ACVR2A: variants seen among roughly 807,000 people sequenced by gnomAD.
ACVR2A encodes activin A receptor type 2A.
In ACVR2A, 7 loss-of-function variants were observed where a neutral mutation model predicts 61.4. That is an observed-to-expected ratio of 0.11 (90% CI 0.06 to 0.21). The LOEUF is 0.21. ACVR2A is among the 10% of genes least tolerant of loss of function. The pLI, the probability that ACVR2A is intolerant of heterozygous loss-of-function variation, is 1.00. For missense variants in ACVR2A, 322 were observed against 621.7 expected (o/e 0.52, Z 5.13); for synonymous variants, 193 against 208.3 (o/e 0.93, Z 0.63).
intron 2 of ACVR2A, among the ~76,000 whole-genome samples, chr2:147,899,171 A>T (rs2105193639): frequency 6.6e-6 from 1 of 152,260 alleles, no homozygotes; most frequent in Non-Finnish European, 1.5e-5. Context: ...TAAAAAAATA[A>T]AAAAAGATGC....
At chr2:147,866,781 T>G (rs1302106580) in intron 1 of ACVR2A, among the ~76,000 whole-genome samples, 1 of 152,202 alleles carries the variant, frequency 6.6e-6, no homozygotes, top group Non-Finnish European at 1.5e-5. Context: ...TCAAGTTGAG[T>G]TCAAAGTACT....
At chr2:147,917,482 T>C in intron 6 of ACVR2A, 56 bp downstream of exon 6, 1 of 1,575,590 alleles carries the variant, frequency 6.3e-7, no homozygotes, top group Non-Finnish European at 8.7e-7. Flanking sequence ...GCCTACCTAA[T>C]GCTGGCTATA....
chr2:147,867,981 CTTCT>C (rs902630900), intron 1 of ACVR2A, among the ~76,000 whole-genome samples: 2 of 152,172 alleles, frequency 1.3e-5, no homozygotes, highest in African/African-American at 4.8e-5. Context: ...TTGTTAGGTG[CTTCT>C]TTCTGTGTTC....
intron 1 of ACVR2A, among the ~76,000 whole-genome samples, chr2:147,872,954 A>G (rs1354404474): frequency 2.0e-5 from 3 of 151,930 alleles, no homozygotes; most frequent in Non-Finnish European, 2.9e-5. Flanking sequence ...TTATGTGTTC[A>G]TTTGTTTGAC....
At chr2:147,893,730 T>A (rs1686648976) in intron 1 of ACVR2A, among the ~76,000 whole-genome samples, 1 of 152,192 alleles carries the variant, frequency 6.6e-6, no homozygotes, top group Non-Finnish European at 1.5e-5. Flanking sequence ...GGACAGTGTT[T>A]TTTCCTATGA....
intron 1 of ACVR2A, among the ~76,000 whole-genome samples, chr2:147,888,131 G>T (rs114540766): frequency 4.1e-4 from 63 of 152,260 alleles, no homozygotes; most frequent in African/African-American, 1.4e-3. Context: ...AGACGTGTTT[G>T]TATGTAGATC....
At chr2:147,904,914 A>G (rs2105200471) in intron 4 of ACVR2A, among the ~76,000 whole-genome samples, 1 of 152,180 alleles carries the variant, frequency 6.6e-6, no homozygotes, top group East Asian at 1.9e-4. Flanking sequence ...TATACTTACA[A>G]AATATTACAT....
intron 9 of ACVR2A, among the ~76,000 whole-genome samples, chr2:147,923,406 A>T (rs1010685945): frequency 6.6e-6 from 1 of 152,070 alleles, no homozygotes; most frequent in African/African-American, 2.4e-5. Flanking sequence ...GAGGAAATTG[A>T]GATGCAGAGA....
intron 1 of ACVR2A, among the ~76,000 whole-genome samples, chr2:147,875,709 G>C (rs549185206): frequency 5.0e-4 from 76 of 152,134 alleles, no homozygotes; most frequent in African/African-American, 1.8e-3. Context: ...TATGCTTCCA[G>C]CTTGAAAATG....
At chr2:147,888,772 A>C (rs1686507230) in intron 1 of ACVR2A, among the ~76,000 whole-genome samples, 1 of 150,748 alleles carries the variant, frequency 6.6e-6, no homozygotes, top group Non-Finnish European at 1.5e-5. Context: ...CTTCCTTTCT[A>C]GACAGTATGC....
chr2:147,863,330 A>G (rs553773317), intron 1 of ACVR2A, among the ~76,000 whole-genome samples: 2 of 152,322 alleles, frequency 1.3e-5, no homozygotes, highest in East Asian at 1.9e-4. Flanking sequence ...GTGGCTGATA[A>G]TAGCAGAGCT....
At chr2:147,895,425 A>G (rs1686705641) in intron 1 of ACVR2A, among the ~76,000 whole-genome samples, 1 of 152,064 alleles carries the variant, frequency 6.6e-6, no homozygotes, top group African/African-American at 2.4e-5. Flanking sequence ...GTAAAAAGTG[A>G]TCTCTTGTGG....
At chr2:147,905,419 GA>G (rs1226274295) in intron 4 of ACVR2A, among the ~76,000 whole-genome samples, 2 of 151,786 alleles carry the variant, frequency 1.3e-5, no homozygotes, top group African/African-American at 4.8e-5. Context: ...TGTACAATGT[GA>G]TTTTTTTTTT....
chr2:147,845,087 G>T lies in ACVR2A; in HGVS notation c.-66G>T, dbSNP rs1456767617. On this transcript the variant is annotated 5_prime_UTR_variant, in exon 1 of 11. Transcript: ENST00000241416. ...ATTTTACACCAGGAGGTTTGTCTCC[G>T]AGGAAGACCCAGGGAACTGGATATC... 2.3e-6 allele frequency: 3 copies of T among 1,294,598 alleles called. No individual in the cohort carries two copies. Among genetic ancestry groups the T allele is most frequent in the Non-Finnish European group, 3.1e-6 (3 of 956,958 alleles). 80.2% of individuals were successfully genotyped at this position (1,294,598 alleles called of 1,614,324 possible).
In ACVR2A at chr2:147,928,324, C is replaced by CCAAA. The variant is rs961454717; in HGVS notation, c.*1053_*1056dup. On this transcript the variant is annotated 3_prime_UTR_variant, in exon 11 of 11. Transcript: ENST00000241416. The stretch of plus-strand genomic sequence containing the variant: ...TAAAATTGTAGTGTATTTCTTTTCA[C>CCAAA]CAAACAGTGTGTGGGACATTCTTTA... 4.6e-5 allele frequency: 7 copies of CCAAA among 152,184 alleles called. No individual in the cohort carries two copies. The highest frequency in any genetic ancestry group is 1.7e-4 in the African/African-American group (7 of 41,448). 9.4% of individuals were successfully genotyped at this position (152,184 alleles called of 1,614,324 possible). A position where few individuals can be genotyped will look rare whatever the true frequency, so the allele number is the denominator to read the frequency against.
At chr2:147,891,149 G>C (rs1209633511) in intron 1 of ACVR2A, among the ~76,000 whole-genome samples, 1 of 151,954 alleles carries the variant, frequency 6.6e-6, no homozygotes, top group Non-Finnish European at 1.5e-5. Flanking sequence ...AATCTTTCTT[G>C]GTATAGTGCC....
chr2:147,911,570 AT>A (rs1381736221), intron 4 of ACVR2A, among the ~76,000 whole-genome samples: 1 of 151,984 alleles, frequency 6.6e-6, no homozygotes, highest in East Asian at 1.9e-4. Context: ...GGTAAGATGC[AT>A]TGATGTTTGT....
At chr2:147,889,620 G>A (rs577848861) in intron 1 of ACVR2A, among the ~76,000 whole-genome samples, 4 of 151,996 alleles carry the variant, frequency 2.6e-5, no homozygotes, top group African/African-American at 7.2e-5. Flanking sequence ...GGTGGCTGCC[G>A]CCTGTAGTCC....
intron 4 of ACVR2A, among the ~76,000 whole-genome samples, chr2:147,912,714 A>T (rs1339759929): frequency 2.6e-5 from 4 of 152,102 alleles, no homozygotes; most frequent in Non-Finnish European, 4.4e-5. Flanking sequence ...AAAAAGGATT[A>T]GAGATTTTAT....
Sources: allele counts gnomAD v4.1 joint callset (sites outside exome capture counted in the v4.1 genomes callset), GRCh38; gene constraint gnomAD v4.1.1; transcripts MANE v1.5; gene names NCBI Gene and HGNC (gene_info 2026-07-23, HGNC 2026-07-21).